The following EXOC2 variants were observed in gnomAD, a reference collection of about 807,000 sequenced individuals.
EXOC2 encodes exocyst complex component 2.
A neutral mutation model predicts 131.8 loss-of-function variants in EXOC2; 70 were observed. The ratio of observed to expected loss-of-function variants is 0.53; its 90% CI spans 0.44 to 0.65. EXOC2 has a LOEUF of 0.65. EXOC2 is among the 30% of genes least tolerant of loss of function. EXOC2 has a pLI of 0.00. For missense variants in EXOC2, 923 were observed against 1,108.6 expected (o/e 0.83, Z 2.38); for synonymous variants, 411 against 398.4 (o/e 1.03, Z -0.38).
intron 1 of EXOC2, among the ~76,000 whole-genome samples, chr6:674,243 G>A (rs936348944): frequency 2.0e-5 from 3 of 152,128 alleles, no homozygotes; most frequent in Non-Finnish European, 4.4e-5. Flanking sequence ...CAGAACAAGT[G>A]TTGGTTCCAA....
At chr6:655,156 T>G (rs1763013861) in intron 1 of EXOC2, among the ~76,000 whole-genome samples, 1 of 152,048 alleles carries the variant, frequency 6.6e-6, no homozygotes, top group African/African-American at 2.4e-5. Flanking sequence ...AGTTAACTAC[T>G]TTATTTTAAG....
At chr6:489,660 A>C (rs918580601) in intron 26 of EXOC2, among the ~76,000 whole-genome samples, 1 of 152,238 alleles carries the variant, frequency 6.6e-6, no homozygotes, top group African/African-American at 2.4e-5. Context: ...ACCAAACCAA[A>C]TGAAAAGCAT....
At chr6:517,832 G>T (rs558468442) in intron 23 of EXOC2, among the ~76,000 whole-genome samples, 1 of 152,098 alleles carries the variant, frequency 6.6e-6, no homozygotes, top group Admixed American at 6.5e-5. Flanking sequence ...AGGGACAAAG[G>T]AACAGGTTAA....
At chr6:579,442 A>G (rs565095689) in intron 11 of EXOC2, among the ~76,000 whole-genome samples, 2 of 152,358 alleles carry the variant, frequency 1.3e-5, no homozygotes, top group South Asian at 4.1e-4. Context: ...CAGAAGTATA[A>G]CACAGCAGCA....
chr6:681,785 A>C (rs1764414918), intron 1 of EXOC2, among the ~76,000 whole-genome samples: 1 of 152,252 alleles, frequency 6.6e-6, no homozygotes, highest in Admixed American at 6.5e-5. Context: ...ACTTGGAAAT[A>C]GGGTTTTTAA....
At chr6:557,934 G>A (rs572694526) in intron 17 of EXOC2, among the ~76,000 whole-genome samples, 16 of 152,240 alleles carry the variant, frequency 1.1e-4, no homozygotes, top group African/African-American at 2.9e-4. Flanking sequence ...GGCTTCATCC[G>A]GAGCAGCGAG....
intron 23 of EXOC2, among the ~76,000 whole-genome samples, chr6:521,807 T>G (rs112691835): frequency 0.022 from 3,309 of 152,268 alleles, 122 homozygotes; most frequent in African/African-American, 0.075. Flanking sequence ...GGATTACAGG[T>G]GTGAACCACC....
intron 25 of EXOC2, among the ~76,000 whole-genome samples, chr6:492,234 G>A (rs1333007039): frequency 1.3e-5 from 2 of 152,240 alleles, no homozygotes; most frequent in East Asian, 3.8e-4. Flanking sequence ...ACACCCACTA[G>A]GATGGCTATA....
At chr6:652,710 G>C (rs1358018404) in intron 1 of EXOC2, among the ~76,000 whole-genome samples, 1 of 152,148 alleles carries the variant, frequency 6.6e-6, no homozygotes, top group East Asian at 1.9e-4. Flanking sequence ...GCTGGGGGTG[G>C]GGAAGGGAAG....
chr6:511,871 G>A lies in EXOC2; in HGVS notation c.2381-12171C>T, dbSNP rs114498066. Among the ~76,000 whole-genome samples the A allele has an allele frequency of 6.9e-3, 1,047 of 152,296 alleles. 7 individuals are homozygous for A. The highest frequency in any genetic ancestry group is 0.024 in the African/African-American group (1,014 of 41,534). On this transcript the variant is annotated intron_variant, in intron 23 of 27. Transcript: ENST00000230449. ...TTAGCAATGACTCATCTGTTCTCCC[G>A]TCTTCAGTATCAATGATCACTCGCA...
intron 1 of EXOC2, chr6:655,840 T>A (rs1306012927): frequency 3.2e-6 from 1 of 315,378 alleles, no homozygotes; most frequent in Non-Finnish European, 5.9e-6. Context: ...CAACCCTGTT[T>A]TTCCCCCCCG....
At chr6:657,056 C>A in intron 1 of EXOC2, 2 of 917,636 alleles carry the variant, frequency 2.2e-6, no homozygotes, top group Non-Finnish European at 3.1e-6. Context: ...CTCCGGCCCC[C>A]CAGCTAGGCA....
intron 1 of EXOC2, among the ~76,000 whole-genome samples, chr6:639,026 G>A (rs1762233803): frequency 6.6e-6 from 1 of 152,158 alleles, no homozygotes; most frequent in African/African-American, 2.4e-5. Flanking sequence ...GCTCAGAGCA[G>A]AACAGTGAGA....
At chr6:569,602 A>T (rs1056566335) in intron 13 of EXOC2, among the ~76,000 whole-genome samples, 2 of 152,234 alleles carry the variant, frequency 1.3e-5, no homozygotes, top group African/African-American at 4.8e-5. Flanking sequence ...TCACTTGCAG[A>T]CCGGCAAGGG....
At chr6:609,353 T>G (rs1393436191) in intron 7 of EXOC2, among the ~76,000 whole-genome samples, 1 of 152,238 alleles carries the variant, frequency 6.6e-6, no homozygotes. Context: ...TATTTAAACC[T>G]AAGGAGATGC....
chr6:621,142 G>C (rs1761270015), intron 4 of EXOC2, among the ~76,000 whole-genome samples: 1 of 152,190 alleles, frequency 6.6e-6, no homozygotes, highest in South Asian at 2.1e-4. Context: ...ACTCTCTCTA[G>C]CAAGGTGCTT....
At position 640,834 on chromosome 6, in the gene EXOC2, G is replaced by C. The variant is rs139121395; in HGVS notation, c.-43-2973C>G. Among the ~76,000 whole-genome samples, 249 of 152,030 alleles carry C rather than the reference G, an allele frequency of 1.6e-3. 2 individuals are homozygous for C. The highest frequency in any genetic ancestry group is 2.3e-3 in the Non-Finnish European group (154 of 67,986). On this transcript the variant is annotated intron_variant, in intron 1 of 27. Coordinates refer to ENST00000230449, the MANE Select transcript of EXOC2 (RefSeq NM_018303.6). ...TAAATGTATGTTGTTTAAGCCACTC[G>C]GTCTAGTATACTTTGTTATAACAGC...
At chr6:663,256 C>T (rs1177586398) in intron 1 of EXOC2, among the ~76,000 whole-genome samples, 1 of 152,084 alleles carries the variant, frequency 6.6e-6, no homozygotes, top group Admixed American at 6.5e-5. Context: ...AAGAAATAGA[C>T]ACCCCGAACA....
At chr6:610,220 G>A (rs1760645124) in intron 6 of EXOC2, 42 bp from the exon 7 acceptor site, 2 of 1,426,784 alleles carry the variant, frequency 1.4e-6, no homozygotes, top group African/African-American at 2.8e-5. Flanking sequence ...CATTTTAATG[G>A]GTGGAGATAC....
Sources: gnomAD v4.1 joint callset for allele counts (sites outside exome capture counted in the v4.1 genomes callset) on GRCh38, gnomAD v4.1.1 for gene constraint, MANE v1.5 for transcripts, NCBI Gene and HGNC (gene_info 2026-07-23, HGNC 2026-07-21) for gene names.